Variants in PLAA observed in about 807,000 individuals in gnomAD.
PLAA encodes phospholipase A-2-activating protein.
A neutral mutation model predicts 84.1 loss-of-function variants in PLAA; 48 were observed. The observed-to-expected ratio is 0.57, with a 90% CI of 0.45 to 0.73. The LOEUF (loss-of-function observed/expected upper bound fraction) is 0.73, where lower values mean the gene tolerates loss of function less well. PLAA is among the 30% of genes least tolerant of loss of function. PLAA has a pLI of 0.00. For missense variants in PLAA, 903 were observed against 954.7 expected (o/e 0.95, Z 0.71); for synonymous variants, 392 against 336.6 (o/e 1.16, Z -1.80).
chr9:26,932,428 A>T (rs1825217022), intron 2 of PLAA, among the ~76,000 whole-genome samples: 1 of 152,214 alleles, frequency 6.6e-6, no homozygotes, highest in Non-Finnish European at 1.5e-5. Context: ...AATTATATGA[A>T]ATTCAAATTT....
intron 1 of PLAA, among the ~76,000 whole-genome samples, chr9:26,935,525 G>T (rs552946779): frequency 6.4e-4 from 97 of 152,244 alleles, no homozygotes; most frequent in African/African-American, 2.0e-3. Context: ...ACACATTAGT[G>T]ACTGTTACCC....
At chr9:26,941,163 A>AAAC (rs1825521686) in intron 1 of PLAA, among the ~76,000 whole-genome samples, 2 of 142,616 alleles carry the variant, frequency 1.4e-5, no homozygotes, top group South Asian at 2.3e-4. Context: ...AGACAAAAAA[A>AAAC]AAAACAAAAA....
intron 4 of PLAA, among the ~76,000 whole-genome samples, chr9:26,927,121 G>GGTTTTCTTT (rs1563914293): frequency 1.8e-5 from 2 of 111,148 alleles, no homozygotes; most frequent in Non-Finnish European, 3.5e-5. Flanking sequence ...TACTTTTTTT[G>GGTTTTCTTT]TTTTTCTTTT....
intron 9 of PLAA, 26 bp from the exon 10 acceptor site, chr9:26,917,191 C>T (rs1371259979): frequency 1.9e-6 from 3 of 1,598,030 alleles, no homozygotes; most frequent in Non-Finnish European, 2.6e-6. Context: ...AAAGAAAAGG[C>T]AGAAGTGCAC....
chr9:26,928,493 A>T, intron 2 of PLAA, 85 bp from the exon 3 acceptor site: 2 of 945,706 alleles, frequency 2.1e-6, no homozygotes, highest in Middle Eastern at 2.7e-4. Flanking sequence ...CCAATTTTAA[A>T]AACACTCTTT....
chr9:26,910,999 C>T (rs1824382293), intron 11 of PLAA, among the ~76,000 whole-genome samples: 1 of 152,016 alleles, frequency 6.6e-6, no homozygotes, highest in Non-Finnish European at 1.5e-5. Flanking sequence ...TCTGCATCAT[C>T]TTTATAAATC....
chr9:26,906,831 T>A (rs544301565), intron 13 of PLAA, among the ~76,000 whole-genome samples: 22 of 151,996 alleles, frequency 1.4e-4, no homozygotes, highest in African/African-American at 4.6e-4. Context: ...TCTGAATGAA[T>A]GCACAAAATA....
chr9:26,933,112 AC>A (rs1825238603), intron 2 of PLAA, among the ~76,000 whole-genome samples: 1 of 152,160 alleles, frequency 6.6e-6, no homozygotes, highest in South Asian at 2.1e-4. Flanking sequence ...TACTAAAAAT[AC>A]AAAAATTAGC....
chr9:26,926,595 C>CT, intron 4 of PLAA, 35 bp from the exon 5 acceptor site: 2 of 1,543,126 alleles, frequency 1.3e-6, no homozygotes, highest in Admixed American at 3.5e-5. Context: ...ATCAATAAAA[C>CT]TGATAATTTG....
Position 26,917,102 on chromosome 9 carries a change from A to G in PLAA, c.1481T>C (p.Phe494Ser), listed in dbSNP as rs1005262416. 1.7e-5 allele frequency: 27 copies of G among 1,613,340 alleles called. No homozygotes were observed. The highest frequency in any genetic ancestry group is 2.3e-5 in the Non-Finnish European group (27 of 1,179,454). ...GAATCAAAACTACATCCCACCTGTAAAAGGATCTGCTGTGGGTAGTGTGTT... is the reference window on the plus strand; with the variant it reads ...GAATCAAAACTACATCCCACCTGTAGAAGGATCTGCTGTGGGTAGTGTGTT... ...SSNTLPTADPFTGAGRYVPGS... is the reference protein window; with the variant it reads ...SSNTLPTADPSTGAGRYVPGS... Residue 494 changes from phenylalanine to serine, a missense_variant, in exon 10 of 14, where the codon TTT (phenylalanine) becomes TCT (serine). Transcript: ENST00000397292.
At chr9:26,925,525 T>C (rs1824916581) in intron 6 of PLAA, among the ~76,000 whole-genome samples, 1 of 152,242 alleles carries the variant, frequency 6.6e-6, no homozygotes, top group Non-Finnish European at 1.5e-5. Flanking sequence ...ACAGAAAGTT[T>C]TCCCACACCA....
At chr9:26,935,747 G>A (rs1210848814) in intron 1 of PLAA, among the ~76,000 whole-genome samples, 1 of 151,838 alleles carries the variant, frequency 6.6e-6, no homozygotes, top group African/African-American at 2.4e-5. Context: ...GAATTGTCTT[G>A]AGCCACGCAT....
intron 2 of PLAA, among the ~76,000 whole-genome samples, chr9:26,932,926 A>G (rs1029879042): frequency 3.9e-5 from 6 of 152,216 alleles, no homozygotes; most frequent in Admixed American, 2.6e-4. Context: ...CCTGAGGTCA[A>G]GAGTTCGAGA....
intron 1 of PLAA, among the ~76,000 whole-genome samples, chr9:26,936,132 C>T (rs944398929): frequency 2.0e-5 from 3 of 151,894 alleles, no homozygotes; most frequent in Admixed American, 6.6e-5. Flanking sequence ...GGTAAGACTC[C>T]CAGATAAAGA....
At chr9:26,927,076 G>GGATGTTTA (rs1824994666) in intron 4 of PLAA, among the ~76,000 whole-genome samples, 2 of 151,408 alleles carry the variant, frequency 1.3e-5, no homozygotes, top group Admixed American at 1.3e-4. Context: ...AGAAACAGAA[G>GGATGTTTA]GATGTTTAGT....
chr9:26,927,845 G>A (rs559927233), intron 4 of PLAA, among the ~76,000 whole-genome samples: 192 of 152,182 alleles, frequency 1.3e-3, no homozygotes, highest in African/African-American at 4.4e-3. Flanking sequence ...CATATATGCA[G>A]AAGCACATAT....
chr9:26,917,541 T>C (rs1265711146), intron 9 of PLAA, among the ~76,000 whole-genome samples: 7 of 152,212 alleles, frequency 4.6e-5, no homozygotes, highest in Non-Finnish European at 1.0e-4. Flanking sequence ...GTTATTGTTA[T>C]CAAAACCACA....
At chr9:26,916,751 T>C in intron 10 of PLAA, 2 of 908,592 alleles carry the variant, frequency 2.2e-6, no homozygotes, top group Non-Finnish European at 2.6e-6. Context: ...GTTAGGTAAC[T>C]TGCCAACTTC....
chr9:26,923,424 T>C, intron 6 of PLAA, 77 bp from the exon 7 acceptor site: 1 of 1,054,984 alleles, frequency 9.5e-7, no homozygotes, highest in Non-Finnish European at 1.4e-6. Flanking sequence ...TGATCCATAG[T>C]AAAAATAATC....
Sources: allele counts gnomAD v4.1 joint callset (sites outside exome capture counted in the v4.1 genomes callset), GRCh38; gene constraint gnomAD v4.1.1; transcripts MANE v1.5; gene names NCBI Gene and HGNC (gene_info 2026-07-23, HGNC 2026-07-21).